The following WDR33 variants were observed in gnomAD, a reference collection of about 807,000 sequenced individuals.
The protein encoded by WDR33 is pre-mRNA 3' end processing protein WDR33.
Under a neutral mutation model 164.9 loss-of-function variants are expected in WDR33, and 47 were observed. That is an observed-to-expected ratio of 0.29 (90% CI 0.23 to 0.36). WDR33 has a LOEUF of 0.36. Ranked by LOEUF, WDR33 falls within the 10% of genes least tolerant of loss-of-function variation. WDR33 has a pLI of 1.00. For synonymous variants in WDR33, 505 were observed against 589.0 expected, an observed-to-expected ratio of 0.86 and a Z score of 2.06; for missense variants, 1,137 against 1,754.1, an observed-to-expected ratio of 0.65 and a Z score of 6.28.
At position 127,738,471 on chromosome 2, in the gene WDR33, TATATTA is replaced by T. The variant is rs1343875633; in HGVS notation, c.725-11700_725-11695del. The stretch of plus-strand genomic sequence containing the variant: ...TGCTCCACTCCTTAAGTGTGGGCTA[TATATTA>T]ATATTATGACTTCATTCCAAAGAGT... On this transcript the variant is annotated intron_variant, in intron 7 of 21. Transcript: ENST00000322313. The surrounding 1 kb of genome is among the most constrained non-coding windows in gnomAD (Gnocchi z 4.4). Among the ~76,000 whole-genome samples the T allele has an allele frequency of 1.3e-5, 2 of 152,108 alleles. No individual in the cohort carries two copies. Among genetic ancestry groups the T allele is most frequent in the Non-Finnish European group, 2.9e-5 (2 of 68,010 alleles).
intron 7 of WDR33, among the ~76,000 whole-genome samples, chr2:127,758,437 T>G (rs191188194): frequency 1.3e-5 from 2 of 152,310 alleles, no homozygotes; most frequent in South Asian, 2.1e-4. Flanking sequence ...GTGCCTTGGT[T>G]TACTCATTTG....
chr2:127,740,571 CA>C (rs1435884908), intron 7 of WDR33, among the ~76,000 whole-genome samples: 1 of 152,204 alleles, frequency 6.6e-6, no homozygotes, highest in Non-Finnish European at 1.5e-5. Flanking sequence ...GGGTTCAACA[CA>C]ATCTTTCAAT....
intron 21 of WDR33, among the ~76,000 whole-genome samples, chr2:127,707,366 G>A (rs1175216048): frequency 2.0e-5 from 3 of 151,904 alleles, no homozygotes; most frequent in East Asian, 1.9e-4. Flanking sequence ...CAAACTCTCC[G>A]CTGTCTCATA....
chr2:127,767,323 G>T (rs540807017), intron 4 of WDR33, among the ~76,000 whole-genome samples: 3 of 151,966 alleles, frequency 2.0e-5, no homozygotes, highest in Admixed American at 6.6e-5. Context: ...TGGAATAATC[G>T]AAACACAAAG....
chr2:127,771,492 A>G (rs1002158117), intron 1 of WDR33, among the ~76,000 whole-genome samples: 9 of 152,346 alleles, frequency 5.9e-5, no homozygotes, highest in African/African-American at 1.9e-4. Context: ...GTGCATGACT[A>G]TATTAGATCA....
rs1478362089 is a variant in WDR33 at position 127,721,655 on chromosome 2, T to A, written c.1671+181A>T. 2.0e-5 allele frequency among the ~76,000 whole-genome samples: 3 copies of A among 152,194 alleles called. No homozygotes were observed. The highest frequency in any genetic ancestry group is 7.2e-5 in the African/African-American group (3 of 41,440). ...AACAAAATACATAAATAACACATTT[T>A]AAAAAATTTTAAGAAACAGGATTCT... On this transcript the variant is annotated intron_variant, in intron 15 of 21. Coordinates refer to ENST00000322313, the MANE Select transcript of WDR33 (RefSeq NM_018383.5). The surrounding 1 kb of genome is among the most constrained non-coding windows in gnomAD (Gnocchi z 4.9).
intron 7 of WDR33, among the ~76,000 whole-genome samples, chr2:127,728,369 G>A (rs988715444): frequency 6.6e-6 from 1 of 152,138 alleles, no homozygotes; most frequent in Non-Finnish European, 1.5e-5. Context: ...AATAACATGA[G>A]TGACTGTGTG....
At chr2:127,759,752 A>G (rs1280482442) in intron 7 of WDR33, among the ~76,000 whole-genome samples, 1 of 151,962 alleles carries the variant, frequency 6.6e-6, no homozygotes. Context: ...TCTGCATTCA[A>G]AAGTACAAGT....
chr2:127,702,345 C>G lies in WDR33; in HGVS notation c.*3978G>C, dbSNP rs1466620541. 1 of 598,992 alleles carries G rather than the reference C, an allele frequency of 1.7e-6. No individual in the cohort carries two copies. Among genetic ancestry groups the G allele is most frequent in the African/African-American group, 2.0e-5 (1 of 50,562 alleles). The allele number at this position is 598,992 out of a possible 1,614,324, so 37.1% of individuals were successfully genotyped here. A position where few individuals can be genotyped will look rare whatever the true frequency, so the allele number is the denominator to read the frequency against. On this transcript the variant is annotated 3_prime_UTR_variant, in exon 22 of 22. Coordinates refer to ENST00000322313, the MANE Select transcript of WDR33 (RefSeq NM_018383.5). ...CGGCTGCTGCCAGCGGAGGCGACAG[C>G]AGCGTTGGGAGCTCCTCGATGTCAG...
Position 127,709,089 on chromosome 2 carries a change from C to T in WDR33, c.3566-197G>A, listed in dbSNP as rs1483280387. On this transcript the variant is annotated intron_variant, in intron 20 of 21. Coordinates refer to ENST00000322313, the MANE Select transcript of WDR33 (RefSeq NM_018383.5). The surrounding 1 kb of genome is among the most constrained non-coding windows in gnomAD (Gnocchi z 5.0). Reference sequence around the variant, plus strand: ...AGGGGCAGGTAAGATCCAGAGAACTCGTTCTCAGGCATTGTAGTATCAAGA... The same window carrying T: ...AGGGGCAGGTAAGATCCAGAGAACTTGTTCTCAGGCATTGTAGTATCAAGA... Among the ~76,000 whole-genome samples the T allele has an allele frequency of 6.6e-6, 1 of 152,122 alleles. No individual in the cohort carries two copies. The highest frequency in any genetic ancestry group is 1.9e-4 in the East Asian group (1 of 5,192).
intron 1 of WDR33, among the ~76,000 whole-genome samples, chr2:127,771,571 G>A (rs1334755706): frequency 6.6e-6 from 1 of 152,130 alleles, no homozygotes; most frequent in Admixed American, 6.6e-5. Flanking sequence ...GAGGCCAGGA[G>A]TTTAAGATCA....
chr2:127,806,469 A>AGTGCTGGGATTACAGGC (rs1412215914), intron 1 of WDR33, among the ~76,000 whole-genome samples: 2 of 151,998 alleles, frequency 1.3e-5, no homozygotes, highest in Non-Finnish European at 2.9e-5. Flanking sequence ...CAGCCTCCCA[A>AGTGCTGGGATTACAGGC]GTGCTGGGAT....
chr2:127,751,362 AAATAATAAT>A (rs61554819), intron 7 of WDR33, among the ~76,000 whole-genome samples: 18,328 of 136,704 alleles, frequency 0.13, 2,107 homozygotes, highest in African/African-American at 0.32. Context: ...CCTTATCTCA[AAATAATAAT>A]AATAATAATA....
chr2:127,703,358 T>C lies in WDR33; in HGVS notation c.*2965A>G, dbSNP rs769110913. 1.8e-5 allele frequency: 3 copies of C among 167,080 alleles called. No homozygotes were observed. The highest frequency in any genetic ancestry group is 2.9e-5 in the Non-Finnish European group (2 of 68,124). 10.3% of individuals were successfully genotyped at this position (167,080 alleles called of 1,614,324 possible). Reference sequence around the variant, plus strand: ...CCCAAGTTTGAGGACCACTTTTCTGTGCATTGGCTTGCACAATTTGAAAGT... The same window carrying C: ...CCCAAGTTTGAGGACCACTTTTCTGCGCATTGGCTTGCACAATTTGAAAGT... On this transcript the variant is annotated 3_prime_UTR_variant, in exon 22 of 22. Transcript: ENST00000322313.
chr2:127,724,310 T>G lies in WDR33; in HGVS notation c.1196+23A>C, dbSNP rs758438973. 6.3e-7 allele frequency: 1 copy of G among 1,581,174 alleles called. No homozygotes were observed. The highest frequency in any genetic ancestry group is 1.1e-5 in the South Asian group (1 of 90,026). On this transcript the variant is annotated intron_variant, in intron 11 of 21. Transcript: ENST00000322313. This position sits in a 1 kb window ranked among gnomAD's most constrained non-coding sequence, Gnocchi z 4.8. Reference sequence around the variant, plus strand: ...TTTCCTGTTGCTCCATATAAAGCTTTGCTATTTCAATATAAAGCTTACCTA... The same window carrying G: ...TTTCCTGTTGCTCCATATAAAGCTTGGCTATTTCAATATAAAGCTTACCTA...
Position 127,763,191 on chromosome 2 carries a change from A to T in WDR33, c.627-32T>A. On this transcript the variant is annotated intron_variant, in intron 6 of 21. Coordinates refer to ENST00000322313, the MANE Select transcript of WDR33 (RefSeq NM_018383.5). This position sits in a 1 kb window ranked among gnomAD's most constrained non-coding sequence, Gnocchi z 4.5. Reference sequence around the variant, plus strand: ...CATGAAGACACACAGCAGGGGAAAGAAGTCAGCATTTAACAGATAATCTGT... The same window carrying T: ...CATGAAGACACACAGCAGGGGAAAGTAGTCAGCATTTAACAGATAATCTGT... The T allele has an allele frequency of 3.7e-6, 6 of 1,613,838 alleles. No individual in the cohort carries two copies. Among genetic ancestry groups the T allele is most frequent in the Non-Finnish European group, 5.1e-6 (6 of 1,179,774 alleles).
At position 127,705,618 on chromosome 2, in the gene WDR33, T is replaced by C. The variant is rs1242993233; in HGVS notation, c.*705A>G. On this transcript the variant is annotated 3_prime_UTR_variant, in exon 22 of 22. Coordinates refer to ENST00000322313, the MANE Select transcript of WDR33 (RefSeq NM_018383.5). This position sits in a 1 kb window ranked among gnomAD's most constrained non-coding sequence, Gnocchi z 4.5. ...ATGCTTCCAAGGGGAAGCTCCCTCG[T>C]TGGACATCCAGAAGATTGCATTTTC... is the stretch of plus-strand genomic sequence containing the variant. 1 of 152,242 alleles carries C rather than the reference T, an allele frequency of 6.6e-6. No individual in the cohort carries two copies. Among genetic ancestry groups the C allele is most frequent in the Non-Finnish European group, 1.5e-5 (1 of 68,042 alleles). 9.4% of individuals were successfully genotyped at this position (152,242 alleles called of 1,614,324 possible).
In WDR33 at chr2:127,702,031, T is replaced by C; in HGVS notation, c.*4292A>G. 7.8e-7 allele frequency: 1 copy of C among 1,287,796 alleles called. No individual in the cohort carries two copies. The highest frequency in any genetic ancestry group is 9.8e-7 in the Non-Finnish European group (1 of 1,019,754). 79.8% of individuals were successfully genotyped at this position (1,287,796 alleles called of 1,614,324 possible). A position where few individuals can be genotyped will look rare whatever the true frequency, so the allele number is the denominator to read the frequency against. ...GCGCTGGGCCTTCGCAGCACGCTGC[T>C]CACGGTGCTGGGCGCGGGCGCGCAG... On this transcript the variant is annotated 3_prime_UTR_variant, in exon 22 of 22. Coordinates refer to ENST00000322313, the MANE Select transcript of WDR33 (RefSeq NM_018383.5).
At chr2:127,757,519 T>C (rs1687553286) in intron 7 of WDR33, among the ~76,000 whole-genome samples, 1 of 152,174 alleles carries the variant, frequency 6.6e-6, no homozygotes, top group Non-Finnish European at 1.5e-5. Context: ...GGATACAGAA[T>C]ACAGGCAGCT....
Sources: gnomAD v4.1 joint callset for allele counts (sites outside exome capture counted in the v4.1 genomes callset) on GRCh38, gnomAD v4.1.1 for gene constraint, Gnocchi (gnomAD v3.1) non-coding constraint, MANE v1.5 for transcripts, NCBI Gene and HGNC (gene_info 2026-07-23, HGNC 2026-07-21) for gene names.